Variants in DACH2 observed in about 807,000 individuals in gnomAD.
DACH2 encodes the protein dachshund homolog 2.
DACH2 carries 17 observed loss-of-function variants against 35.8 expected under a neutral mutation model. That is an observed-to-expected ratio of 0.48 (90% CI 0.33 to 0.71). The LOEUF (loss-of-function observed/expected upper bound fraction) is 0.71, where lower values mean the gene tolerates loss of function less well. Ranked by LOEUF, DACH2 falls within the 30% of genes least tolerant of loss-of-function variation. The pLI, the probability that DACH2 is intolerant of heterozygous loss-of-function variation, is 0.02. For missense variants in DACH2, 469 were observed against 472.7 expected (o/e 0.99, Z 0.07); for synonymous variants, 195 against 177.3 (o/e 1.10, Z -0.79).
Position 86,274,476 on chromosome X carries a change from GAGACGGAGTCTTTCTGTTTTTT to G in DACH2, c.489-102347_489-102326del, listed in dbSNP as rs2033875136. On this transcript the variant is annotated intron_variant, in intron 1 of 11. Coordinates refer to ENST00000373125, the MANE Select transcript of DACH2 (RefSeq NM_053281.3). ...CTTTTTTTTTTTTTCTTTTTTTTTT[GAGACGGAGTCTTTCTGTTTTTT>G]TTTTTTTTTTTTTTTGAGACGGATC... Among the ~76,000 whole-genome samples, 2 of 13,411 alleles carry G rather than the reference GAGACGGAGTCTTTCTGTTTTTT, an allele frequency of 1.5e-4. 1 individual carries two copies. The highest frequency in any genetic ancestry group is 2.3e-4 in the Non-Finnish European group (2 of 8,849). The allele number at this position is 13,411 out of a possible 115,157, so 11.6% of individuals were successfully genotyped here. A position where few individuals can be genotyped will look rare whatever the true frequency, so the allele number is the denominator to read the frequency against.
chrX:86,525,876 G>C (rs1251402027), intron 3 of DACH2, among the ~76,000 whole-genome samples: 1 of 111,416 alleles, frequency 9.0e-6, no homozygotes, highest in Non-Finnish European at 1.9e-5. Flanking sequence ...CATCCCTAGG[G>C]CCCATCCTTC....
At chrX:86,271,621 A>G (rs1327385962) in intron 1 of DACH2, among the ~76,000 whole-genome samples, 1 of 111,663 alleles carries the variant, frequency 9.0e-6, no homozygotes, top group Non-Finnish European at 1.9e-5. Flanking sequence ...AGAAGCAGTA[A>G]GAACACTATG....
chrX:86,333,041 G>A (rs1363475601), intron 1 of DACH2, among the ~76,000 whole-genome samples: 2 of 110,397 alleles, frequency 1.8e-5, no homozygotes, highest in Non-Finnish European at 1.9e-5. Context: ...CTTCTGCAAG[G>A]AAAATAAAAC....
intron 2 of DACH2, among the ~76,000 whole-genome samples, chrX:86,379,481 T>A (rs1416352284): frequency 9.4e-6 from 1 of 106,210 alleles, no homozygotes; most frequent in Admixed American, 1.0e-4. Flanking sequence ...ACAATTAAAT[T>A]CCAATCTCTC....
chrX:86,247,838 C>A (rs752016339), intron 1 of DACH2, among the ~76,000 whole-genome samples: 16 of 111,169 alleles, frequency 1.4e-4, no homozygotes, highest in Admixed American at 4.8e-4. Flanking sequence ...AAAAGCAAAT[C>A]CATCATGATC....
intron 1 of DACH2, among the ~76,000 whole-genome samples, chrX:86,286,021 T>C (rs995016313): frequency 1.8e-5 from 2 of 111,184 alleles, no homozygotes; most frequent in Non-Finnish European, 3.8e-5. Flanking sequence ...TCTTTTTCCT[T>C]TATTTTCAGT....
chrX:86,250,655 CAG>C (rs746043872), intron 1 of DACH2, among the ~76,000 whole-genome samples: 10 of 111,269 alleles, frequency 9.0e-5, no homozygotes, highest in African/African-American at 3.2e-4. Flanking sequence ...TTATTATAAA[CAG>C]TGTTTAAAGG....
At chrX:86,641,696 A>C (rs66603559) in intron 3 of DACH2, among the ~76,000 whole-genome samples, 25,497 of 110,845 alleles carry the variant, frequency 0.23, 2,711 homozygotes, top group East Asian at 0.47. Flanking sequence ...GTTCAACACA[A>C]CTGAGGAAAA....
At chrX:86,310,024 G>A (rs2034765869) in intron 1 of DACH2, among the ~76,000 whole-genome samples, 1 of 112,322 alleles carries the variant, frequency 8.9e-6, no homozygotes, top group Admixed American at 9.4e-5. Flanking sequence ...GGCTCCCATA[G>A]GGGAATCACA....
intron 3 of DACH2, among the ~76,000 whole-genome samples, chrX:86,635,515 G>A (rs2040254335): frequency 1.8e-5 from 2 of 110,505 alleles, no homozygotes. Flanking sequence ...GCATAATATT[G>A]GAAGTGCTGG....
At chrX:86,520,583 C>A (rs1278400050) in intron 3 of DACH2, among the ~76,000 whole-genome samples, 3 of 111,593 alleles carry the variant, frequency 2.7e-5, no homozygotes, top group African/African-American at 9.7e-5. Context: ...AATCTGGGTG[C>A]TTCTGGGTTG....
intron 7 of DACH2, among the ~76,000 whole-genome samples, chrX:86,757,111 T>C (rs1329472785): frequency 8.9e-6 from 1 of 111,765 alleles, no homozygotes; most frequent in African/African-American, 3.3e-5. Context: ...TTTGATTCTG[T>C]TTGCTAGTAT....
At chrX:86,679,186 G>C (rs2040852001) in intron 4 of DACH2, among the ~76,000 whole-genome samples, 1 of 111,873 alleles carries the variant, frequency 8.9e-6, no homozygotes, top group Non-Finnish European at 1.9e-5. Context: ...TGTATGAATT[G>C]AGTCATTAAT....
chrX:86,328,036 T>C (rs1488023491), intron 1 of DACH2, among the ~76,000 whole-genome samples: 1 of 112,026 alleles, frequency 8.9e-6, no homozygotes, highest in African/African-American at 3.2e-5. Context: ...CATTTGTTAC[T>C]TTATTTCTCA....
chrX:86,387,775 C>T (rs940591743), intron 2 of DACH2, among the ~76,000 whole-genome samples: 7 of 111,945 alleles, frequency 6.3e-5, no homozygotes, highest in Admixed American at 5.7e-4. Flanking sequence ...TTTACTGAGC[C>T]ATTGAATTAT....
chrX:86,674,673 A>G (rs1194383668), intron 4 of DACH2, among the ~76,000 whole-genome samples: 2 of 112,156 alleles, frequency 1.8e-5, no homozygotes, highest in Non-Finnish European at 3.8e-5. Flanking sequence ...TCTTATTGCA[A>G]AAATGACAAG....
At position 86,816,521 on chromosome X, in the gene DACH2, A is replaced by T. The variant is rs146795015; in HGVS notation, c.1750+422A>T. ...GCCACAGGTACAATCATTGTAACCTATCAAAATTTTGAAGGTATTCAAGAC... is the reference window on the plus strand; with the variant it reads ...GCCACAGGTACAATCATTGTAACCTTTCAAAATTTTGAAGGTATTCAAGAC... On this transcript the variant is annotated intron_variant, in intron 11 of 11. Transcript: ENST00000373125. Among the ~76,000 whole-genome samples, 488 of 112,345 alleles carry T rather than the reference A, an allele frequency of 4.3e-3. 9 individuals carry two copies. The East Asian group carries it at 0.082, about 19-fold the overall frequency.
intron 4 of DACH2, among the ~76,000 whole-genome samples, chrX:86,657,971 C>T (rs1380553663): frequency 9.0e-6 from 1 of 111,393 alleles, no homozygotes; most frequent in Non-Finnish European, 1.9e-5. Context: ...TTGATTCTTG[C>T]CATTTAATTG....
intron 6 of DACH2, 31 bp downstream of exon 6, chrX:86,714,751 G>GC: frequency 9.2e-7 from 1 of 1,090,253 alleles, no homozygotes; most frequent in Non-Finnish European, 1.2e-6. Context: ...AAGGACAAAG[G>GC]TGTCAATTTC....
Sources: allele counts gnomAD v4.1 joint callset (sites outside exome capture counted in the v4.1 genomes callset), GRCh38; gene constraint gnomAD v4.1.1; transcripts MANE v1.5; gene names NCBI Gene and HGNC (gene_info 2026-07-23, HGNC 2026-07-21).